The following STOML2 variants were observed in gnomAD, a reference collection of about 807,000 sequenced individuals.
STOML2 encodes the protein stomatin like 2, also known as stomatin-like protein 2, mitochondrial.
STOML2 carries 22 observed loss-of-function variants against 45.7 expected under a neutral mutation model. The observed-to-expected ratio is 0.48, with a 90% CI of 0.34 to 0.69. The LOEUF is 0.69. Among genes scored for constraint, STOML2 ranks in the 30% least tolerant of loss-of-function variants. The pLI, the probability that STOML2 is intolerant of heterozygous loss-of-function variation, is 0.01. For synonymous variants in STOML2, 181 were observed against 182.7 expected (o/e 0.99, Z 0.08); for missense variants, 359 against 466.9 (o/e 0.77, Z 2.13).
Position 35,101,277 on chromosome 9 carries a change from C to T in STOML2, c.582G>A (p.Val194=), listed in dbSNP as rs780250940. The T allele has an allele frequency of 1.9e-6, 3 of 1,614,218 alleles. No individual in the cohort carries two copies. The highest frequency in any genetic ancestry group is 1.7e-6 in the Non-Finnish European group (2 of 1,180,048). The change falls in exon 7 of 10, where the codon GTG becomes GTA. Residue 194 remains valine (V), a splice_region_variant and synonymous_variant. Coordinates refer to ENST00000356493, the MANE Select transcript of STOML2 (RefSeq NM_013442.3). This position sits in a 1 kb window ranked among gnomAD's most constrained non-coding sequence, Gnocchi z 4.3. ...TGGCCCGTTTCCGCCGCTCTGCCTC[C>T]ACCTGGAAGCCCACAACAATCCCAA... The part of the protein sequence containing the change: ...PRVKESMQMQ[V]EAERRKRATV...
chr9:35,101,670 T>G lies in STOML2; in HGVS notation c.444+40A>C. On this transcript the variant is annotated intron_variant, in intron 5 of 9. Transcript: ENST00000356493. This position sits in a 1 kb window ranked among gnomAD's most constrained non-coding sequence, Gnocchi z 4.3. Reference sequence around the variant, plus strand: ...TCAGAAAAGATTAAGAGTGTCAGGTTTGTGTCTTCAAACCCTAACTCTGGC... The same window carrying G: ...TCAGAAAAGATTAAGAGTGTCAGGTGTGTGTCTTCAAACCCTAACTCTGGC... 1 of 1,614,016 alleles carries G rather than the reference T, an allele frequency of 6.2e-7. No individual in the cohort carries two copies.
Position 35,100,989 on chromosome 9 carries a change from C to T in STOML2, c.747G>A (p.Ala249=), listed in dbSNP as rs538352665. 39 of 1,614,160 alleles carry T rather than the reference C, an allele frequency of 2.4e-5. No individual in the cohort carries two copies. The East Asian group carries it at 2.7e-4, about 11-fold the overall frequency. ...TAGCTTCAGCTTTAGCCTTGGCCTT[C>T]GCCAGAACTGCACTGGCCTCTCCTG... ...QAAGEASAVL[A]KAKAKAEAIR... Residue 249 remains alanine, a synonymous_variant, in exon 8 of 10, where the codon GCG becomes GCA. Coordinates refer to ENST00000356493, the MANE Select transcript of STOML2 (RefSeq NM_013442.3).
rs1202603054 is a variant in STOML2, at chr9:35,101,730, A to G, written c.424T>C (p.Ser142Pro). The change falls in exon 5 of 10, where the codon TCT becomes CCT. Residue 142 changes from serine (S) to proline (P), a missense_variant. By Grantham distance (74) the Ser-to-Pro change is moderately conservative. Transcript: ENST00000356493. The surrounding 1 kb of genome is among the most constrained non-coding windows in gnomAD (Gnocchi z 4.3). Reference protein sequence around the residue: ...TTMRSELGKLSLDKVFRERES... With the variant: ...TTMRSELGKLPLDKVFRERES... Reference sequence around the variant, plus strand: ...CTTACCCGGAAGACTTTGTCCAGAGAGAGTTTGCCGAGCTCTGATCTCATG... The same window carrying G: ...CTTACCCGGAAGACTTTGTCCAGAGGGAGTTTGCCGAGCTCTGATCTCATG... 3 of 1,614,002 alleles carry G rather than the reference A, an allele frequency of 1.9e-6. No homozygotes were observed. The highest frequency in any genetic ancestry group is 1.3e-5 in the African/African-American group (1 of 74,882).
rs1282830943 is a variant in STOML2 at position 35,100,821 on chromosome 9, A to G, written c.805-95T>C. 9 of 1,611,452 alleles carry G rather than the reference A, an allele frequency of 5.6e-6. No individual in the cohort carries two copies. The East Asian group carries it at 8.9e-5, about 16-fold the overall frequency. On this transcript the variant is annotated intron_variant, in intron 8 of 9. Coordinates refer to ENST00000356493, the MANE Select transcript of STOML2 (RefSeq NM_013442.3). The stretch of plus-strand genomic sequence containing the variant: ...AAAGCAGTTCACAATAAAAAGGACC[A>G]TGTAATCTGGCTCAACAGAGCCCAC...
rs934195122 is a variant in STOML2, at chr9:35,102,830, G to T, written c.46-7C>A. ...CAGAAGCCAGTAGAGAGCCCTGAAG[G>T]AAAGAAGAGGGTGAGCAGAGATCCC... On this transcript the variant is annotated splice_region_variant and splice_polypyrimidine_tract_variant and intron_variant, in intron 1 of 9. Transcript: ENST00000356493. This position sits in a 1 kb window ranked among gnomAD's most constrained non-coding sequence, Gnocchi z 4.8. 4.3e-6 allele frequency: 7 copies of T among 1,613,514 alleles called. No individual in the cohort carries two copies. Among genetic ancestry groups the T allele is most frequent in the Non-Finnish European group, 5.1e-6 (6 of 1,179,790 alleles).
In STOML2 at chr9:35,100,245, C is replaced by T. The variant is rs367669891; in HGVS notation, c.934-73G>A. On this transcript the variant is annotated intron_variant, in intron 9 of 9. Transcript: ENST00000356493. The stretch of plus-strand genomic sequence containing the variant: ...GCAGCCCAGCCTACCAATGGCTAAA[C>T]GGGAAAAGATGGCATGGGGGCCAGT... 5.5e-4 allele frequency: 870 copies of T among 1,576,544 alleles called. 1 individual carries two copies. Among genetic ancestry groups the T allele is most frequent in the Non-Finnish European group, 7.1e-4 (821 of 1,156,066 alleles).
At position 35,103,063 on chromosome 9, in the gene STOML2, G is replaced by T. The variant is rs951174460; in HGVS notation, c.32C>A (p.Ala11Asp). The T allele has an allele frequency of 6.2e-7, 1 of 1,613,986 alleles. No homozygotes were observed. Among genetic ancestry groups the T allele is most frequent in the South Asian group, 1.1e-5 (1 of 91,068 alleles). ...CCTCGCTCTCACCCTCAGCAAAAGGGCCCCAGTGCCCCGCGCCGCGCGCGC... is the reference window on the plus strand; with the variant it reads ...CCTCGCTCTCACCCTCAGCAAAAGGTCCCCAGTGCCCCGCGCCGCGCGCGC... MLARAARGTG[A>D]LLLRGSLLAS... The change falls in exon 1 of 10, where the codon GCC (alanine) becomes GAC (aspartate). Residue 11 changes from alanine to aspartate, a missense_variant. Ala to Asp is a moderately radical substitution (Grantham distance 126). Transcript: ENST00000356493.
rs1829796271 is a variant in STOML2, at chr9:35,100,648, T to C, written c.883A>G (p.Thr295Ala). The change falls in exon 9 of 10, where the codon ACT (threonine) becomes GCT (alanine). Residue 295 changes from threonine to alanine, a missense_variant. Physicochemically the swap from Thr to Ala is moderately conservative, Grantham distance 58. Around this residue, in one of 2 missense-constraint regions of STOML2, gnomAD observed 285 missense variants for 422.0 expected, o/e 0.68. Transcript: ENST00000356493. Reference protein sequence around the residue: ...AFSKLAKDSNTILLPSNPGDV... With the variant: ...AFSKLAKDSNAILLPSNPGDV... The stretch of plus-strand genomic sequence containing the variant: ...CCAGGGTTGGAGGGCAGTAGGATAG[T>C]GTTGGAGTCCTTGGCCAGTTTGGAG... 5 of 1,614,044 alleles carry C rather than the reference T, an allele frequency of 3.1e-6. No homozygotes were observed. Among genetic ancestry groups the C allele is most frequent in the South Asian group, 1.1e-5 (1 of 91,082 alleles).
chr9:35,101,055 G>A lies in STOML2; in HGVS notation c.725-44C>T, dbSNP rs1459594843. 1 of 1,612,188 alleles carries A rather than the reference G, an allele frequency of 6.2e-7. No homozygotes were observed. The highest frequency in any genetic ancestry group is 1.7e-5 in the Admixed American group (1 of 59,956). On this transcript the variant is annotated intron_variant, in intron 7 of 9. Transcript: ENST00000356493. The surrounding 1 kb of genome is among the most constrained non-coding windows in gnomAD (Gnocchi z 4.3). ...AGCTTGCTTGACCCATGAAGTCAAA[G>A]TACCCCAAAGATCCTGCCCCAGCAC...
intron 8 of STOML2, 39 bp from the exon 9 acceptor site, chr9:35,100,765 AC>A: frequency 6.2e-7 from 1 of 1,613,944 alleles, no homozygotes. Flanking sequence ...GATCACCGAT[AC>A]GGAGAAGAAG....
At chr9:35,100,840 A>C (rs558566514) in intron 8 of STOML2, 92 bp downstream of exon 8, 1 of 1,611,344 alleles carries the variant, frequency 6.2e-7, no homozygotes, top group African/African-American at 1.3e-5. Flanking sequence ...GGCTCAACAG[A>C]GCCCACAGAG....
intron 9 of STOML2, 82 bp downstream of exon 9, chr9:35,100,516 T>A: frequency 6.3e-7 from 1 of 1,584,892 alleles, no homozygotes; most frequent in Non-Finnish European, 8.6e-7. Context: ...CTTTATGGTA[T>A]GTAAGTGTTG....
Position 35,102,734 on chromosome 9 carries a change from C to T in STOML2, c.135G>A (p.Glu45=). The T allele has an allele frequency of 6.2e-7, 1 of 1,613,806 alleles. No individual in the cohort carries two copies. The highest frequency in any genetic ancestry group is 1.1e-5 in the South Asian group (1 of 91,074). Residue 45 remains glutamate (E), a synonymous_variant, in exon 2 of 10, where the codon GAG becomes GAA. Transcript: ENST00000356493. The surrounding 1 kb of genome is among the most constrained non-coding windows in gnomAD (Gnocchi z 4.8). ...NTVVLFVPQQ[E]AWVVERMGRF... ...GGCCCATTCGCTCCACCACCCAGGC[C>T]TCCTGCTGCGGCACGAACAGTACCA...
At chr9:35,100,826 A>G in intron 8 of STOML2, 100 bp from the exon 9 acceptor site, 3 of 1,611,114 alleles carry the variant, frequency 1.9e-6, no homozygotes, top group Non-Finnish European at 2.5e-6. Context: ...GGACCATGTA[A>G]TCTGGCTCAA....
rs1003108042 is a variant in STOML2 at position 35,101,416 on chromosome 9, T to C, written c.579+10A>G. 5.6e-6 allele frequency: 9 copies of C among 1,613,976 alleles called. No homozygotes were observed. The African/African-American group carries it at 8.0e-5, about 14-fold the overall frequency. On this transcript the variant is annotated intron_variant, in intron 6 of 9. Transcript: ENST00000356493. This position sits in a 1 kb window ranked among gnomAD's most constrained non-coding sequence, Gnocchi z 4.3. ...CTGAGGCCCTTTTCCCACCCCTCCT[T>C]GGCCCCCACCTGCATCTGCATAGAC...
Position 35,101,263 on chromosome 9 carries a change from C to A in STOML2, c.596G>T (p.Arg199Leu), listed in dbSNP as rs138647485. 1 of 1,614,042 alleles carries A rather than the reference C, an allele frequency of 6.2e-7. No homozygotes were observed. Among genetic ancestry groups the A allele is most frequent in the Non-Finnish European group, 8.5e-7 (1 of 1,180,048 alleles). Residue 199 changes from arginine to leucine, a missense_variant, in exon 7 of 10, where the codon CGG (arginine) becomes CTG (leucine). Coordinates refer to ENST00000356493, the MANE Select transcript of STOML2 (RefSeq NM_013442.3). This position sits in a 1 kb window ranked among gnomAD's most constrained non-coding sequence, Gnocchi z 4.3. ...SMQMQVEAERRKRATVLESEG... is the reference protein window; with the variant it reads ...SMQMQVEAERLKRATVLESEG... The stretch of plus-strand genomic sequence containing the variant: ...AGACTCTAGAACTGTGGCCCGTTTC[C>A]GCCGCTCTGCCTCCACCTGGAAGCC...
chr9:35,099,850 T>C lies in STOML2; in HGVS notation c.*185A>G. ...ACAGGACTGGATCCAAGGAAAATGC[T>C]AGTGACTTTCCCAACTTCATTCCCC... On this transcript the variant is annotated 3_prime_UTR_variant, in exon 10 of 10. Transcript: ENST00000356493. 1.6e-6 allele frequency: 1 copy of C among 635,970 alleles called. No homozygotes were observed. The highest frequency in any genetic ancestry group is 2.7e-6 in the Non-Finnish European group (1 of 373,750). The allele number at this position is 635,970 out of a possible 1,614,324, so 39.4% of individuals were successfully genotyped here.
Position 35,102,710 on chromosome 9 carries a change from G to T in STOML2, c.159C>A (p.Gly53=). The stretch of plus-strand genomic sequence containing the variant: ...CAGGCTCCAGGATCCGGTGGAATCG[G>T]CCCATTCGCTCCACCACCCAGGCCT... The part of the protein sequence containing the change: ...QQEAWVVERM[G]RFHRILEPGL... The change falls in exon 2 of 10, where the codon GGC becomes GGA. Residue 53 remains glycine (G), a synonymous_variant. Coordinates refer to ENST00000356493, the MANE Select transcript of STOML2 (RefSeq NM_013442.3). The surrounding 1 kb of genome is among the most constrained non-coding windows in gnomAD (Gnocchi z 4.8). The T allele has an allele frequency of 6.2e-7, 1 of 1,613,084 alleles. No homozygotes were observed. The highest frequency in any genetic ancestry group is 8.5e-7 in the Non-Finnish European group (1 of 1,180,022).
chr9:35,100,820 C>T (rs751529226), intron 8 of STOML2, 94 bp from the exon 9 acceptor site: 18 of 1,611,282 alleles, frequency 1.1e-5, no homozygotes, highest in Admixed American at 1.7e-5. Flanking sequence ...TAAAAAGGAC[C>T]ATGTAATCTG....
Sources: gnomAD v4.1 joint callset for allele counts on GRCh38, gnomAD v4.1.1 for gene constraint, gnomAD v4.1.1 regional missense constraint, Gnocchi (gnomAD v3.1) non-coding constraint, MANE v1.5 for transcripts, NCBI Gene and HGNC (gene_info 2026-07-23, HGNC 2026-07-21) for gene names.